The following ASAP2 variants were observed in gnomAD, a reference collection of about 807,000 sequenced individuals.
ASAP2 encodes the protein arf-GAP with SH3 domain, ANK repeat and PH domain-containing protein 2.
Under a neutral mutation model 131.4 loss-of-function variants are expected in ASAP2, and 45 were observed. The observed-to-expected ratio is 0.34, with a 90% confidence interval of 0.27 to 0.44. The LOEUF (loss-of-function observed/expected upper bound fraction) is 0.44, where lower values mean the gene tolerates loss of function less well. Among genes scored for constraint, ASAP2 ranks in the 20% least tolerant of loss-of-function variants. The pLI is 1.00. For missense variants in ASAP2, 1,011 were observed against 1,297.0 expected (o/e 0.78, Z 3.39); for synonymous variants, 510 against 503.0 (o/e 1.01, Z -0.19).
intron 7 of ASAP2, 75 bp downstream of exon 7, chr2:9,327,986 C>G (rs1041584416): frequency 2.7e-6 from 3 of 1,117,700 alleles, no homozygotes; most frequent in Non-Finnish European, 3.8e-6. Context: ...ATAGATAGCT[C>G]ATAGGAAATA....
At chr2:9,212,673 G>A (rs1000437134) in intron 1 of ASAP2, among the ~76,000 whole-genome samples, 2 of 152,032 alleles carry the variant, frequency 1.3e-5, no homozygotes, top group African/African-American at 2.4e-5. Flanking sequence ...TTCCAGGCCC[G>A]CACTGTCTGA....
At chr2:9,241,606 C>T (rs1663972483) in intron 1 of ASAP2, among the ~76,000 whole-genome samples, 1 of 152,136 alleles carries the variant, frequency 6.6e-6, no homozygotes, top group Non-Finnish European at 1.5e-5. Flanking sequence ...CGTGATCGCA[C>T]CACTGCACTC....
At chr2:9,363,578 G>A (rs1413405324) in intron 15 of ASAP2, among the ~76,000 whole-genome samples, 1 of 151,984 alleles carries the variant, frequency 6.6e-6, no homozygotes, top group Non-Finnish European at 1.5e-5. Flanking sequence ...TTGGTCATTT[G>A]TAGGTCTTCT....
At chr2:9,330,737 ATTTTT>A (rs1486589187) in intron 7 of ASAP2, among the ~76,000 whole-genome samples, 7 of 152,078 alleles carry the variant, frequency 4.6e-5, no homozygotes, top group African/African-American at 1.7e-4. Context: ...CTGATATTTT[ATTTTT>A]AAGAAGAAGC....
chr2:9,283,294 T>C (rs1279583035), intron 2 of ASAP2, among the ~76,000 whole-genome samples: 1 of 152,232 alleles, frequency 6.6e-6, no homozygotes, highest in East Asian at 1.9e-4. Flanking sequence ...GCTAGGCTGA[T>C]CTCGAGCTTC....
chr2:9,254,270 TGC>T, intron 1 of ASAP2, among the ~76,000 whole-genome samples: 2 of 123,802 alleles, frequency 1.6e-5, no homozygotes, highest in Non-Finnish European at 3.3e-5. Flanking sequence ...TGTGTGTGTA[TGC>T]ATATATATAG....
intron 1 of ASAP2, among the ~76,000 whole-genome samples, chr2:9,252,183 C>T (rs955686041): frequency 6.6e-6 from 1 of 152,176 alleles, no homozygotes; most frequent in Admixed American, 6.5e-5. Flanking sequence ...ACACCAGCTG[C>T]TAGGACTGCA....
intron 3 of ASAP2, 29 bp downstream of exon 3, chr2:9,297,474 G>T: frequency 1.2e-6 from 2 of 1,611,254 alleles, no homozygotes; most frequent in Admixed American, 1.7e-5. Context: ...GAAATGCTGC[G>T]GTTACTTCAG....
chr2:9,266,996 A>G (rs971388217), intron 1 of ASAP2, among the ~76,000 whole-genome samples: 1 of 152,130 alleles, frequency 6.6e-6, no homozygotes, highest in African/African-American at 2.4e-5. Context: ...CCTGAAGTTC[A>G]CTTTCATTTT....
intron 15 of ASAP2, among the ~76,000 whole-genome samples, chr2:9,365,646 C>T (rs569815525): frequency 1.0e-3 from 153 of 152,288 alleles, no homozygotes; most frequent in Middle Eastern, 6.8e-3. Flanking sequence ...CACACACAGA[C>T]GACTCCCCCG....
intron 1 of ASAP2, among the ~76,000 whole-genome samples, chr2:9,223,540 G>C (rs1662569101): frequency 6.6e-6 from 1 of 152,182 alleles, no homozygotes; most frequent in Non-Finnish European, 1.5e-5. Context: ...GTGTATTTCA[G>C]AAATTTGTTA....
intron 1 of ASAP2, among the ~76,000 whole-genome samples, chr2:9,225,159 A>G (rs185111585): frequency 3.1e-4 from 47 of 152,344 alleles, no homozygotes; most frequent in African/African-American, 1.1e-3. Context: ...AGAAGATGCA[A>G]CAGAGACCGT....
intron 1 of ASAP2, among the ~76,000 whole-genome samples, chr2:9,267,621 G>A (rs78182286): frequency 4.6e-5 from 7 of 152,020 alleles, no homozygotes; most frequent in Admixed American, 3.3e-4. Context: ...TGAAGGCCAC[G>A]TGCAGTTTCT....
intron 3 of ASAP2, among the ~76,000 whole-genome samples, chr2:9,308,286 G>A (rs1239968854): frequency 6.6e-6 from 1 of 152,198 alleles, no homozygotes; most frequent in African/African-American, 2.4e-5. Flanking sequence ...CACTTCGCAT[G>A]GCCGTGGGCA....
At position 9,337,050 on chromosome 2, in the gene ASAP2, C is replaced by T. The variant is rs78897974; in HGVS notation, c.849+1871C>T. Among the ~76,000 whole-genome samples, 1,495 of 152,342 alleles carry T rather than the reference C, an allele frequency of 9.8e-3. 29 individuals carry two copies. The highest frequency in any genetic ancestry group is 0.034 in the African/African-American group (1,421 of 41,576). On this transcript the variant is annotated intron_variant, in intron 9 of 27. Coordinates refer to ENST00000281419, the MANE Select transcript of ASAP2 (RefSeq NM_003887.3). ...TGAGAGAACTGGTTATTTACAGCTT[C>T]GCAGGAAAGTAATAACAAATTTACC...
intron 1 of ASAP2, chr2:9,271,436 T>A: frequency 3.5e-6 from 5 of 1,427,228 alleles, no homozygotes; most frequent in Non-Finnish European, 4.9e-6. Flanking sequence ...CAGGCAAACT[T>A]CTTAAACGCC....
At position 9,391,184 on chromosome 2, in the gene ASAP2, G is replaced by T; in HGVS notation, c.2506G>T (p.Val836Leu). The T allele has an allele frequency of 1.2e-6, 2 of 1,613,824 alleles. No individual in the cohort carries two copies. Among genetic ancestry groups the T allele is most frequent in the African/African-American group, 1.3e-5 (1 of 75,060 alleles). Reference protein sequence around the residue: ...AVHPPLPPLRVTSTNPLTPTP... With the variant: ...AVHPPLPPLRLTSTNPLTPTP... ...CCATCCACCGCTGCCCCCTCTTCGC[G>T]TGACATCTACCAGTACGTTTTTTTC... Residue 836 changes from valine (V) to leucine (L), a missense_variant, in exon 23 of 28, where the codon GTG becomes TTG. Coordinates refer to ENST00000281419, the MANE Select transcript of ASAP2 (RefSeq NM_003887.3).
chr2:9,400,286 T>TGCC, intron 25 of ASAP2, among the ~76,000 whole-genome samples: 1 of 24,452 alleles, frequency 4.1e-5, no homozygotes, highest in Non-Finnish European at 7.8e-5. Context: ...CCTTCCCTCC[T>TGCC]TCCTTCCTTC....
chr2:9,320,921 C>T (rs1407497744), intron 5 of ASAP2, among the ~76,000 whole-genome samples: 1 of 152,178 alleles, frequency 6.6e-6, no homozygotes, highest in South Asian at 2.1e-4. Context: ...ATAGACAAGA[C>T]TCTGTTGGTT....
Sources: gnomAD v4.1 joint callset for allele counts (sites outside exome capture counted in the v4.1 genomes callset) on GRCh38, gnomAD v4.1.1 for gene constraint, MANE v1.5 for transcripts, NCBI Gene and HGNC (gene_info 2026-07-23, HGNC 2026-07-21) for gene names.